The following ULK4 variants were observed in gnomAD, a reference collection of about 807,000 sequenced individuals.
The protein encoded by ULK4 is unc-51 like kinase 4, also known as inactive serine/threonine-protein kinase ULK4.
ULK4 carries 133 observed loss-of-function variants against 160.6 expected under a neutral mutation model. The ratio of observed to expected loss-of-function variants is 0.83; its 90% CI spans 0.72 to 0.96. The LOEUF (loss-of-function observed/expected upper bound fraction) is 0.96, where lower values mean the gene tolerates loss of function less well. Among genes scored for constraint, ULK4 ranks in the 40% least tolerant of loss-of-function variants. ULK4 has a pLI of 0.00. For synonymous variants in ULK4, 534 were observed against 539.8 expected (o/e 0.99, Z 0.15); for missense variants, 1,580 against 1,499.5 (o/e 1.05, Z -0.89).
rs2037961570 is a variant in ULK4 at position 41,734,575 on chromosome 3, A to G, written c.2322-16714T>C. Among the ~76,000 whole-genome samples, 3 of 152,198 alleles carry G rather than the reference A, an allele frequency of 2.0e-5. No individual in the cohort carries two copies. In the South Asian group the frequency reaches 6.2e-4, roughly 32 times the overall value. On this transcript the variant is annotated intron_variant, in intron 22 of 36. Coordinates refer to ENST00000301831, the MANE Select transcript of ULK4 (RefSeq NM_017886.4). Reference sequence around the variant, plus strand: ...GAAATCACCTAAGGACAGTGATGAAAGAGAAAAAAAAGAAGGCTCAGCAAA... The same window carrying G: ...GAAATCACCTAAGGACAGTGATGAAGGAGAAAAAAAAGAAGGCTCAGCAAA...
chr3:41,673,957 T>C (rs1164019050), intron 29 of ULK4, among the ~76,000 whole-genome samples: 3 of 152,184 alleles, frequency 2.0e-5, no homozygotes, highest in African/African-American at 4.8e-5. Flanking sequence ...GGAATTTAAT[T>C]GTGTTAACCA....
At chr3:41,426,867 T>G (rs2082788174) in intron 34 of ULK4, among the ~76,000 whole-genome samples, 1 of 151,824 alleles carries the variant, frequency 6.6e-6, no homozygotes, top group Non-Finnish European at 1.5e-5. Flanking sequence ...CTAGAGAATC[T>G]AAAGCAAACA....
chr3:41,485,711 A>T (rs1388124687), intron 32 of ULK4, among the ~76,000 whole-genome samples: 3 of 152,204 alleles, frequency 2.0e-5, no homozygotes, highest in Non-Finnish European at 2.9e-5. Flanking sequence ...AATGACAACA[A>T]TCAGCAGGGA....
chr3:41,345,205 T>TTGTG (rs1231571443), intron 35 of ULK4, among the ~76,000 whole-genome samples: 2 of 152,196 alleles, frequency 1.3e-5, no homozygotes, highest in African/African-American at 4.8e-5. Flanking sequence ...CCATTGTGGA[T>TTGTG]GACAGCGTGG....
At chr3:41,347,000 T>C (rs1016507348) in intron 35 of ULK4, among the ~76,000 whole-genome samples, 3 of 152,150 alleles carry the variant, frequency 2.0e-5, no homozygotes, top group African/African-American at 7.2e-5. Context: ...AGGATTTATC[T>C]TCAAAGAACT....
chr3:41,737,546 C>T lies in ULK4; in HGVS notation c.2321+16815G>A, dbSNP rs181405202. Among the ~76,000 whole-genome samples the T allele has an allele frequency of 2.2e-3, 334 of 151,984 alleles. 6 individuals are homozygous for T. Among genetic ancestry groups the T allele is most frequent in the African/African-American group, 7.6e-3 (315 of 41,298 alleles). Reference sequence around the variant, plus strand: ...GTTCATATGGAACCAAAAAAGAGCCCGCATTGCCAAGTCAATCCTAAGCCA... The same window carrying T: ...GTTCATATGGAACCAAAAAAGAGCCTGCATTGCCAAGTCAATCCTAAGCCA... On this transcript the variant is annotated intron_variant, in intron 22 of 36. Transcript: ENST00000301831.
intron 32 of ULK4, among the ~76,000 whole-genome samples, chr3:41,497,100 A>T (rs1010592943): frequency 1.3e-5 from 2 of 152,144 alleles, no homozygotes; most frequent in Admixed American, 6.5e-5. Flanking sequence ...TAAAGCAGCT[A>T]ATGATAATAT....
chr3:41,334,908 C>T (rs2125744389), intron 35 of ULK4, among the ~76,000 whole-genome samples: 1 of 152,306 alleles, frequency 6.6e-6, no homozygotes, highest in East Asian at 1.9e-4. Flanking sequence ...AGGGCAGAAG[C>T]TGCCCCAAAT....
At chr3:41,671,301 G>T (rs1159845511) in intron 29 of ULK4, among the ~76,000 whole-genome samples, 1 of 151,878 alleles carries the variant, frequency 6.6e-6, no homozygotes, top group African/African-American at 2.4e-5. Flanking sequence ...TGAGCAAAAA[G>T]AACAAATCTA....
At chr3:41,694,548 G>A (rs575780281) in intron 27 of ULK4, among the ~76,000 whole-genome samples, 108 of 152,254 alleles carry the variant, frequency 7.1e-4, no homozygotes, top group African/African-American at 2.5e-3. Flanking sequence ...CATAAGGAAT[G>A]CTGAGTATAG....
In ULK4 at chr3:41,506,764, T is replaced by TAAAAAAAAAAAAAAAAAAAAAAAG. The variant is rs200785051; in HGVS notation, c.3227-43512_3227-43511insCTTTTTTTTTTTTTTTTTTTTTTT. ...CAAAGCAATACACTGGAGTGTGATT[T>TAAAAAAAAAAAAAAAAAAAAAAAG]AAAATATATATATATATATATATAT... On this transcript the variant is annotated intron_variant, in intron 32 of 36. Coordinates refer to ENST00000301831, the MANE Select transcript of ULK4 (RefSeq NM_017886.4). Among the ~76,000 whole-genome samples, 3 of 19,924 alleles carry TAAAAAAAAAAAAAAAAAAAAAAAG rather than the reference T, an allele frequency of 1.5e-4. 1 individual carries two copies. Among genetic ancestry groups the TAAAAAAAAAAAAAAAAAAAAAAAG allele is most frequent in the African/African-American group, 3.5e-4 (2 of 5,696 alleles). 13.1% of individuals were successfully genotyped at this position (19,924 alleles called of 152,430 possible).
chr3:41,312,712 G>A (rs940606326), intron 35 of ULK4, among the ~76,000 whole-genome samples: 1 of 152,120 alleles, frequency 6.6e-6, no homozygotes, highest in Admixed American at 6.6e-5. Flanking sequence ...AGAGGCTGAG[G>A]TGGAAGGATT....
chr3:41,347,184 T>C (rs775464817), intron 35 of ULK4, among the ~76,000 whole-genome samples: 5 of 152,248 alleles, frequency 3.3e-5, no homozygotes, highest in Admixed American at 6.5e-5. Flanking sequence ...CAAAGGCGCA[T>C]TGCAGCAGCT....
rs532094307 is a variant in ULK4 at position 41,762,950 on chromosome 3, A to G, written c.2194-8462T>C. On this transcript the variant is annotated intron_variant, in intron 21 of 36. Transcript: ENST00000301831. The stretch of plus-strand genomic sequence containing the variant: ...AATGCTGGGATTACAGGCGTGAGCC[A>G]CTGTGCCTGGCCAGAAGTGCCGCAC... Among the ~76,000 whole-genome samples the G allele has an allele frequency of 2.0e-5, 3 of 152,294 alleles. No individual in the cohort carries two copies. The Middle Eastern group carries it at 0.01, about 518-fold the overall frequency.
chr3:41,491,822 C>G (rs2084780059), intron 32 of ULK4, among the ~76,000 whole-genome samples: 1 of 151,526 alleles, frequency 6.6e-6, no homozygotes, highest in South Asian at 2.1e-4. Context: ...TGTTGGTGTG[C>G]TGCACCCATT....
intron 34 of ULK4, among the ~76,000 whole-genome samples, chr3:41,407,446 G>A (rs1339362619): frequency 1.3e-5 from 2 of 152,208 alleles, no homozygotes; most frequent in African/African-American, 4.8e-5. Flanking sequence ...TAGGCCAATA[G>A]CCCTTAAGAA....
chr3:41,794,660 C>CAAAA (rs71075484), intron 20 of ULK4, among the ~76,000 whole-genome samples: 20 of 18,980 alleles, frequency 1.1e-3, no homozygotes, highest in East Asian at 2.6e-3. Flanking sequence ...GACTCTGTCT[C>CAAAA]AAAAAAAAAA....
At chr3:41,878,104 C>T (rs1407327931) in intron 17 of ULK4, among the ~76,000 whole-genome samples, 2 of 144,556 alleles carry the variant, frequency 1.4e-5, no homozygotes, top group Admixed American at 6.9e-5. Flanking sequence ...AAAAAAAAAC[C>T]TAGAGAACCC....
intron 32 of ULK4, among the ~76,000 whole-genome samples, chr3:41,519,597 G>A (rs2085862945): frequency 6.6e-6 from 1 of 152,182 alleles, no homozygotes; most frequent in African/African-American, 2.4e-5. Flanking sequence ...ACATGAACAT[G>A]TAGGAAAAAC....
Sources: gnomAD v4.1 joint callset for allele counts (sites outside exome capture counted in the v4.1 genomes callset) on GRCh38, gnomAD v4.1.1 for gene constraint, MANE v1.5 for transcripts, NCBI Gene and HGNC (gene_info 2026-07-23, HGNC 2026-07-21) for gene names.